SLC8A3: variants seen among roughly 807,000 people sequenced by gnomAD.
SLC8A3 encodes the protein solute carrier family 8 member A3.
Under a neutral mutation model 65.4 loss-of-function variants are expected in SLC8A3, and 37 were observed. That is an observed-to-expected ratio of 0.57 (90% confidence interval 0.44 to 0.74). The LOEUF is 0.74. SLC8A3 is among the 30% of genes least tolerant of loss of function. The pLI, the probability that SLC8A3 is intolerant of heterozygous loss-of-function variation, is 0.00. For synonymous variants in SLC8A3, 461 were observed against 444.5 expected (o/e 1.04, Z -0.47); for missense variants, 1,112 against 1,172.1 (o/e 0.95, Z 0.75).
chr14:70,181,938 A>G (rs553342241), intron 1 of SLC8A3, among the ~76,000 whole-genome samples: 1 of 152,346 alleles, frequency 6.6e-6, no homozygotes, highest in East Asian at 1.9e-4. Flanking sequence ...TAAGGATTAA[A>G]TGGGAAAATC....
At chr14:70,111,281 G>A (rs1031414432) in intron 2 of SLC8A3, among the ~76,000 whole-genome samples, 1 of 152,176 alleles carries the variant, frequency 6.6e-6, no homozygotes, top group African/African-American at 2.4e-5. Flanking sequence ...AGATTTTCAA[G>A]TACTAAATGT....
intron 2 of SLC8A3, among the ~76,000 whole-genome samples, chr14:70,157,305 A>G (rs1896632059): frequency 6.6e-6 from 1 of 152,198 alleles, no homozygotes; most frequent in Non-Finnish European, 1.5e-5. Context: ...AAAACTGTTT[A>G]GATAGCTTAT....
intron 1 of SLC8A3, among the ~76,000 whole-genome samples, chr14:70,188,130 C>A (rs1162782786): frequency 1.3e-5 from 2 of 152,180 alleles, no homozygotes; most frequent in Middle Eastern, 3.4e-3. Context: ...CTGTAGACAC[C>A]CACTCTGCCA....
chr14:70,142,616 C>T (rs139782524), intron 2 of SLC8A3, among the ~76,000 whole-genome samples: 4 of 152,326 alleles, frequency 2.6e-5, no homozygotes, highest in African/African-American at 9.6e-5. Context: ...TCTTGGGGAT[C>T]ACACTTAAGT....
Position 70,051,068 on chromosome 14 carries a change from AG to A in SLC8A3, c.2052del (p.Leu685TrpfsTer45). 2 of 1,613,812 alleles carry A rather than the reference AG, an allele frequency of 1.2e-6. No individual in the cohort carries two copies. Among genetic ancestry groups the A allele is most frequent in the Non-Finnish European group, 1.7e-6 (2 of 1,179,732 alleles). On this transcript the variant is annotated frameshift_variant, in exon 5 of 7. Coordinates refer to ENST00000356921, the MANE Select transcript of SLC8A3 (RefSeq NM_182932.3). LOFTEE classifies it high-confidence loss of function. ...VDKLIKKTNL[A>X]LVVGTHSWRD... ...CTCCAGGAATGGGTCCCCACAACCAAGGCCAGGTTTGTCTTCTTGATCAGTT... is the reference window on the plus strand; with the variant it reads ...CTCCAGGAATGGGTCCCCACAACCAAGCCAGGTTTGTCTTCTTGATCAGTT...
intron 2 of SLC8A3, among the ~76,000 whole-genome samples, chr14:70,117,063 C>G (rs996216585): frequency 6.6e-6 from 1 of 152,200 alleles, no homozygotes; most frequent in African/African-American, 2.4e-5. Context: ...CCAGGGGATC[C>G]CTGCCTGGGA....
intron 2 of SLC8A3, among the ~76,000 whole-genome samples, chr14:70,104,944 A>T (rs1397326763): frequency 1.3e-5 from 2 of 152,244 alleles, no homozygotes; most frequent in Non-Finnish European, 2.9e-5. Context: ...GAAGAAAAGA[A>T]TAAAGATAAG....
chr14:70,055,781 C>A (rs903992577), intron 3 of SLC8A3: 97 of 1,604,962 alleles, frequency 6.0e-5, no homozygotes, highest in Non-Finnish European at 7.6e-5. Context: ...AAGAGGGGGA[C>A]AAGACACCTC....
chr14:70,168,138 A>G lies in SLC8A3; in HGVS notation c.285T>C (p.Ala95=), dbSNP rs562442320. Reference sequence around the variant, plus strand: ...CTTCAATAGATGCCATGAAGCGGTCAGCAATGATGGACACCCCAAGGAACA... The same window carrying G: ...CTTCAATAGATGCCATGAAGCGGTCGGCAATGATGGACACCCCAAGGAACA... The part of the protein sequence containing the change: ...IYMFLGVSII[A]DRFMASIEVI... Residue 95 remains alanine (A), a synonymous_variant, in exon 2 of 7, where the codon GCT becomes GCC. Coordinates refer to ENST00000356921, the MANE Select transcript of SLC8A3 (RefSeq NM_182932.3). 3 of 1,614,178 alleles carry G rather than the reference A, an allele frequency of 1.9e-6. No individual in the cohort carries two copies. The South Asian group carries it at 3.3e-5, about 18-fold the overall frequency.
intron 2 of SLC8A3, among the ~76,000 whole-genome samples, chr14:70,141,310 G>T (rs533802702): frequency 6.6e-6 from 1 of 152,296 alleles, no homozygotes; most frequent in South Asian, 2.1e-4. Context: ...AAGATATATG[G>T]TAGACATTAT....
chr14:70,116,483 G>A (rs1893675359), intron 2 of SLC8A3, among the ~76,000 whole-genome samples: 1 of 152,182 alleles, frequency 6.6e-6, no homozygotes, highest in South Asian at 2.1e-4. Context: ...CTGGCTAACA[G>A]CCATGTTGTG....
intron 2 of SLC8A3, among the ~76,000 whole-genome samples, chr14:70,070,049 G>T (rs1889871406): frequency 6.6e-6 from 1 of 152,136 alleles, no homozygotes. Flanking sequence ...TCAAGGATGG[G>T]GGGCTGGAGT....
At chr14:70,109,135 C>T (rs28451087) in intron 2 of SLC8A3, among the ~76,000 whole-genome samples, 5,437 of 148,842 alleles carry the variant, frequency 0.037, 329 homozygotes, top group African/African-American at 0.13. Flanking sequence ...AGGAGAGGGA[C>T]TTTGTTTTTA....
At chr14:70,102,426 T>C (rs1373269823) in intron 2 of SLC8A3, among the ~76,000 whole-genome samples, 1 of 152,132 alleles carries the variant, frequency 6.6e-6, no homozygotes, top group Non-Finnish European at 1.5e-5. Context: ...TTCATTTCAA[T>C]ATACAGCAAA....
chr14:70,179,423 G>A (rs1485890638), intron 1 of SLC8A3, among the ~76,000 whole-genome samples: 1 of 152,168 alleles, frequency 6.6e-6, no homozygotes, highest in African/African-American at 2.4e-5. Context: ...GCTGGCAGAG[G>A]GAGTACTCAG....
chr14:70,049,141 G>T, intron 5 of SLC8A3, 99 bp from the exon 6 acceptor site: 1 of 1,192,466 alleles, frequency 8.4e-7, no homozygotes, highest in Non-Finnish European at 1.2e-6. Context: ...TCATCCGCTA[G>T]AAGGGGACTC....
chr14:70,183,495 T>C (rs1882931401), intron 1 of SLC8A3, among the ~76,000 whole-genome samples: 1 of 152,178 alleles, frequency 6.6e-6, no homozygotes, highest in South Asian at 2.1e-4. Flanking sequence ...CTTTGAGAGT[T>C]TGCTTTGCTC....
chr14:70,122,041 C>T lies in SLC8A3; in HGVS notation c.1784+44598G>A, dbSNP rs577225911. Among the ~76,000 whole-genome samples the T allele has an allele frequency of 5.1e-4, 78 of 152,258 alleles. 1 individual carries two copies. The highest frequency in any genetic ancestry group is 1.8e-3 in the African/African-American group (76 of 41,546). The stretch of plus-strand genomic sequence containing the variant: ...GACTCACTTAGGAGGCGAGCTTCCT[C>T]ATCTCCACTGCCACAGCTCTATCCC... On this transcript the variant is annotated intron_variant, in intron 2 of 6. Coordinates refer to ENST00000356921, the MANE Select transcript of SLC8A3 (RefSeq NM_182932.3).
intron 5 of SLC8A3, among the ~76,000 whole-genome samples, chr14:70,050,136 G>C (rs1887314497): frequency 6.6e-6 from 1 of 152,158 alleles, no homozygotes. Context: ...CCCCTCCTTT[G>C]TAAAAGGAGC....
Sources: gnomAD v4.1 joint callset for allele counts (sites outside exome capture counted in the v4.1 genomes callset) on GRCh38, gnomAD v4.1.1 for gene constraint, MANE v1.5 for transcripts, NCBI Gene and HGNC (gene_info 2026-07-23, HGNC 2026-07-21) for gene names.